Variants in CSMD2 observed in about 807,000 individuals in gnomAD.
CSMD2 encodes CUB and sushi domain-containing protein 2.
CSMD2 carries 130 observed loss-of-function variants against 398.5 expected under a neutral mutation model. The observed-to-expected ratio is 0.33, with a 90% confidence interval of 0.28 to 0.38. The LOEUF (loss-of-function observed/expected upper bound fraction) is 0.38, where lower values mean the gene tolerates loss of function less well. CSMD2 is among the 10% of genes least tolerant of loss of function. The pLI, the probability that CSMD2 is intolerant of heterozygous loss-of-function variation, is 1.00. For synonymous variants in CSMD2, 1,828 were observed against 1,908.5 expected, an observed-to-expected ratio of 0.96 and a Z score of 1.10; for missense variants, 3,829 against 4,764.9, an observed-to-expected ratio of 0.80 and a Z score of 5.78.
At chr1:33,718,246 G>A (rs1172652439) in intron 19 of CSMD2, among the ~76,000 whole-genome samples, 6 of 152,202 alleles carry the variant, frequency 3.9e-5, no homozygotes, top group Non-Finnish European at 8.8e-5. Flanking sequence ...AGAACAGCCA[G>A]GTAGGGTAAG....
At position 33,724,629 on chromosome 1, in the gene CSMD2, T is replaced by C. The variant is rs766920363; in HGVS notation, c.2771A>G (p.Tyr924Cys). The part of the protein sequence containing the change: ...VNGQRHGNDF[Y>C]VGALVTFSCD... ...GCTGAAGGTCACCAGCGCGCCCACG[T>C]AGAAGTCATTCCCATGACGCTGTCC... is the stretch of plus-strand genomic sequence containing the variant. The change falls in exon 18 of 71, where the codon TAC becomes TGC. Residue 924 changes from tyrosine to cysteine, a missense_variant. Around this residue, in one of 5 missense-constraint regions of CSMD2, gnomAD observed 2,001 missense variants for 2,567.1 expected, o/e 0.78. Coordinates refer to ENST00000373381, the MANE Select transcript of CSMD2 (RefSeq NM_001281956.2). 6.2e-7 allele frequency: 1 copy of C among 1,614,124 alleles called. No individual in the cohort carries two copies. The highest frequency in any genetic ancestry group is 1.1e-5 in the South Asian group (1 of 91,072).
chr1:33,612,831 G>A (rs1032099258), intron 40 of CSMD2, among the ~76,000 whole-genome samples: 4 of 142,612 alleles, frequency 2.8e-5, no homozygotes, highest in Non-Finnish European at 1.5e-5. Flanking sequence ...ACAGGCACCC[G>A]CCACCAGGCC....
At chr1:33,911,338 T>C (rs1643433212) in intron 5 of CSMD2, among the ~76,000 whole-genome samples, 1 of 152,270 alleles carries the variant, frequency 6.6e-6, no homozygotes, top group Non-Finnish European at 1.5e-5. Context: ...ATTCTCATTC[T>C]AACTATATCT....
chr1:33,690,797 G>A (rs1645209681), intron 25 of CSMD2, among the ~76,000 whole-genome samples: 1 of 152,178 alleles, frequency 6.6e-6, no homozygotes, highest in Non-Finnish European at 1.5e-5. Flanking sequence ...TGTTGAGCCG[G>A]GGGCACTGTG....
chr1:34,088,459 T>C (rs946547225), intron 2 of CSMD2, among the ~76,000 whole-genome samples: 3 of 152,120 alleles, frequency 2.0e-5, no homozygotes, highest in Non-Finnish European at 4.4e-5. Context: ...GCCATCTTAC[T>C]CTCTCCATGG....
intron 3 of CSMD2, among the ~76,000 whole-genome samples, chr1:33,937,318 G>C (rs1401580132): frequency 6.6e-6 from 1 of 152,148 alleles, no homozygotes; most frequent in East Asian, 1.9e-4. Context: ...TGGAGGAGGT[G>C]ACATCTCTGC....
At chr1:33,582,792 T>C (rs948089170) in intron 47 of CSMD2, among the ~76,000 whole-genome samples, 3 of 152,148 alleles carry the variant, frequency 2.0e-5, no homozygotes, top group African/African-American at 7.2e-5. Context: ...CTTAACAAAG[T>C]AGGAGCCTCA....
At chr1:33,708,961 G>T (rs1163392138) in intron 22 of CSMD2, 128 bp downstream of exon 22, 1 of 757,858 alleles carries the variant, frequency 1.3e-6, no homozygotes. Context: ...CCAGATGAGT[G>T]AGGACAGTAT....
At chr1:33,739,019 C>T (rs1385374090) in intron 15 of CSMD2, 121 bp downstream of exon 15, 8 of 910,680 alleles carry the variant, frequency 8.8e-6, no homozygotes, top group East Asian at 5.5e-5. Flanking sequence ...AGTGGCCCTT[C>T]GTTCTGGGAG....
chr1:33,991,071 TA>T (rs1646538343), intron 3 of CSMD2, among the ~76,000 whole-genome samples: 1 of 150,848 alleles, frequency 6.6e-6, no homozygotes, highest in Non-Finnish European at 1.5e-5. Flanking sequence ...CAGACTGGAG[TA>T]CAGAGGCATA....
intron 3 of CSMD2, among the ~76,000 whole-genome samples, chr1:34,009,250 G>A (rs1647165357): frequency 6.6e-6 from 1 of 151,336 alleles, no homozygotes; most frequent in Admixed American, 6.6e-5. Flanking sequence ...CTGGCCCCAC[G>A]TCTCCCCTTA....
rs960373391 is a variant in CSMD2, at chr1:33,648,634, C to T, written c.4587-1799G>A. Among the ~76,000 whole-genome samples, 4 of 152,256 alleles carry T rather than the reference C, an allele frequency of 2.6e-5. No homozygotes were observed. In the South Asian group the frequency reaches 8.3e-4, roughly 32 times the overall value. On this transcript the variant is annotated intron_variant, in intron 28 of 70. Coordinates refer to ENST00000373381, the MANE Select transcript of CSMD2 (RefSeq NM_001281956.2). ...TTTCTGAAGGGCCAAAGAATGATAA[C>T]ATCTGCTTCTTAGGAGTTTGTTTTG...
At chr1:33,820,770 T>C (rs1658049500) in intron 7 of CSMD2, among the ~76,000 whole-genome samples, 1 of 151,950 alleles carries the variant, frequency 6.6e-6, no homozygotes, top group Non-Finnish European at 1.5e-5. Flanking sequence ...ACAAATTCCT[T>C]TGTGAGCAAA....
chr1:33,786,244 C>T (rs772397208), intron 12 of CSMD2, among the ~76,000 whole-genome samples: 6 of 152,170 alleles, frequency 3.9e-5, no homozygotes, highest in Non-Finnish European at 7.3e-5. Flanking sequence ...CTTATTCAAA[C>T]CGTTGGCAAA....
chr1:33,609,197 C>T lies in CSMD2; in HGVS notation c.6343+1844G>A, dbSNP rs1404988266. 2.0e-5 allele frequency among the ~76,000 whole-genome samples: 3 copies of T among 151,876 alleles called. No individual in the cohort carries two copies. In the East Asian group the frequency reaches 5.8e-4, roughly 29 times the overall value. On this transcript the variant is annotated intron_variant, in intron 41 of 70. Coordinates refer to ENST00000373381, the MANE Select transcript of CSMD2 (RefSeq NM_001281956.2). ...CCTCTAGATGACAAGCCCAGCCGCA[C>T]TTACCAAAGCTTTCCCTGAGATGGA...
At chr1:34,123,630 C>G (rs1175750411) in intron 1 of CSMD2, among the ~76,000 whole-genome samples, 2 of 152,078 alleles carry the variant, frequency 1.3e-5, no homozygotes, top group African/African-American at 4.8e-5. Context: ...GAACTGAGCC[C>G]CCAACCCATG....
chr1:33,520,875 C>A (rs542177070), intron 68 of CSMD2, among the ~76,000 whole-genome samples: 3 of 152,206 alleles, frequency 2.0e-5, no homozygotes, highest in Non-Finnish European at 4.4e-5. Context: ...CCCCTCCCCC[C>A]ACCAGAGTCT....
Position 33,724,921 on chromosome 1 carries a change from G to A in CSMD2, c.2696-217C>T, listed in dbSNP as rs576815255. 9.8e-5 allele frequency among the ~76,000 whole-genome samples: 15 copies of A among 152,316 alleles called. No homozygotes were observed. In the South Asian group the frequency reaches 2.1e-3, roughly 21 times the overall value. On this transcript the variant is annotated intron_variant, in intron 17 of 70. Coordinates refer to ENST00000373381, the MANE Select transcript of CSMD2 (RefSeq NM_001281956.2). ...AAATGACCTTGTCCTCATGGTGCTC[G>A]CAGCTCCAGCTTTCTATGTTGGTCT...
intron 2 of CSMD2, among the ~76,000 whole-genome samples, chr1:34,033,336 C>T (rs952055341): frequency 5.9e-5 from 9 of 152,090 alleles, no homozygotes; most frequent in Non-Finnish European, 7.4e-5. Context: ...TCAAACTGTG[C>T]GTGCTATTAA....
Sources: allele counts gnomAD v4.1 joint callset (sites outside exome capture counted in the v4.1 genomes callset), GRCh38; gene constraint gnomAD v4.1.1; regional missense constraint gnomAD v4.1.1; transcripts MANE v1.5; gene names NCBI Gene and HGNC (gene_info 2026-07-23, HGNC 2026-07-21).